Variants in ZNF385B observed in about 807,000 individuals in gnomAD.
The protein encoded by ZNF385B is zinc finger protein 385B, also known as zinc finger protein 533.
ZNF385B carries 23 observed loss-of-function variants against 39.2 expected under a neutral mutation model. That is an observed-to-expected ratio of 0.59 (90% CI 0.42 to 0.83). ZNF385B has a LOEUF of 0.83. Among genes scored for constraint, ZNF385B ranks in the 40% least tolerant of loss-of-function variants. The pLI is 0.00. For synonymous variants in ZNF385B, 205 were observed against 222.6 expected (o/e 0.92, Z 0.70); for missense variants, 552 against 598.9 (o/e 0.92, Z 0.82).
chr2:179,628,174 A>G (rs927246572), intron 3 of ZNF385B, among the ~76,000 whole-genome samples: 1 of 152,210 alleles, frequency 6.6e-6, no homozygotes, highest in African/African-American at 2.4e-5. Context: ...CGCATGTTAA[A>G]ATTATCAGTA....
intron 5 of ZNF385B, among the ~76,000 whole-genome samples, chr2:179,496,460 T>C (rs1462615889): frequency 6.6e-6 from 1 of 151,954 alleles, no homozygotes; most frequent in African/African-American, 2.4e-5. Context: ...TTCCCAAACA[T>C]AGAGAAAGAT....
At chr2:179,720,139 T>A (rs941006760) in intron 3 of ZNF385B, among the ~76,000 whole-genome samples, 1 of 152,116 alleles carries the variant, frequency 6.6e-6, no homozygotes, top group African/African-American at 2.4e-5. Flanking sequence ...GGTCATCTCA[T>A]GCAAAACAGA....
At chr2:179,542,667 C>A (rs1395014001) in intron 4 of ZNF385B, among the ~76,000 whole-genome samples, 2 of 151,916 alleles carry the variant, frequency 1.3e-5, no homozygotes, top group Non-Finnish European at 2.9e-5. Context: ...TTTTGTTTTA[C>A]AGCTCTTCAA....
chr2:179,845,711 AGAGTTTCACTATTTGG>A (rs755116224), intron 1 of ZNF385B, among the ~76,000 whole-genome samples: 10 of 152,244 alleles, frequency 6.6e-5, no homozygotes, highest in Non-Finnish European at 1.5e-4. Context: ...GAAACTGGCA[AGAGTTTCACTATTTGG>A]GAGATCCTAG....
chr2:179,633,028 C>A (rs1486229911), intron 3 of ZNF385B, among the ~76,000 whole-genome samples: 1 of 152,114 alleles, frequency 6.6e-6, no homozygotes, highest in East Asian at 1.9e-4. Flanking sequence ...CTGAATAGAC[C>A]AATAACAGGC....
At chr2:179,509,787 C>T (rs1340614918) in intron 5 of ZNF385B, among the ~76,000 whole-genome samples, 1 of 152,148 alleles carries the variant, frequency 6.6e-6, no homozygotes, top group African/African-American at 2.4e-5. Context: ...ATTTATTCAA[C>T]AATTTGTACT....
At chr2:179,704,873 T>G (rs905796022) in intron 3 of ZNF385B, among the ~76,000 whole-genome samples, 1 of 152,162 alleles carries the variant, frequency 6.6e-6, no homozygotes, top group African/African-American at 2.4e-5. Context: ...AAAACCAGAC[T>G]ATTCCTCTGT....
intron 3 of ZNF385B, among the ~76,000 whole-genome samples, chr2:179,760,852 A>C (rs1415534017): frequency 1.3e-5 from 2 of 152,172 alleles, no homozygotes; most frequent in Admixed American, 1.3e-4. Context: ...CAGCCACCAG[A>C]AGTTTTAAAT....
intron 1 of ZNF385B, among the ~76,000 whole-genome samples, chr2:179,810,772 T>C (rs1310554216): frequency 6.6e-6 from 1 of 152,150 alleles, no homozygotes; most frequent in African/African-American, 2.4e-5. Context: ...TAGAGGCTTT[T>C]AACATGCCTC....
At chr2:179,705,207 C>T (rs1472837743) in intron 3 of ZNF385B, among the ~76,000 whole-genome samples, 1 of 152,086 alleles carries the variant, frequency 6.6e-6, no homozygotes, top group Non-Finnish European at 1.5e-5. Flanking sequence ...TCTCCTGGGC[C>T]CCTCTCAATG....
At chr2:179,788,048 A>G (rs1460090236) in intron 1 of ZNF385B, among the ~76,000 whole-genome samples, 1 of 152,204 alleles carries the variant, frequency 6.6e-6, no homozygotes, top group African/African-American at 2.4e-5. Context: ...AATCATTTAA[A>G]CATAGAGAGA....
rs370888135 is a variant in ZNF385B at position 179,760,647 on chromosome 2, G to A, written c.298+8856C>T. Among the ~76,000 whole-genome samples the A allele has an allele frequency of 5.3e-5, 8 of 152,250 alleles. No homozygotes were observed. The East Asian group carries it at 7.8e-4, about 15-fold the overall frequency. On this transcript the variant is annotated intron_variant, in intron 3 of 9. Coordinates refer to ENST00000410066, the MANE Select transcript of ZNF385B (RefSeq NM_152520.6). ...TTTTACAAAAAGGCTCATTGCAGAT[G>A]TGATTGCTAGGAATCTTGAGATGAG...
intron 3 of ZNF385B, among the ~76,000 whole-genome samples, chr2:179,664,391 A>G (rs1278236536): frequency 6.6e-6 from 1 of 152,176 alleles, no homozygotes; most frequent in African/African-American, 2.4e-5. Context: ...CTGAGGAAAA[A>G]TTGTAGCCGA....
chr2:179,524,141 G>A (rs1474782400), intron 4 of ZNF385B, among the ~76,000 whole-genome samples: 1 of 151,924 alleles, frequency 6.6e-6, no homozygotes, highest in Non-Finnish European at 1.5e-5. Flanking sequence ...TAAACTTAAC[G>A]AACTATTTTA....
chr2:179,763,025 C>T (rs775080262), intron 3 of ZNF385B, among the ~76,000 whole-genome samples: 4 of 152,186 alleles, frequency 2.6e-5, no homozygotes, highest in African/African-American at 4.8e-5. Flanking sequence ...CTGTCTCAAC[C>T]TCCAGAATAG....
At chr2:179,526,727 T>A (rs2058928379) in intron 4 of ZNF385B, among the ~76,000 whole-genome samples, 1 of 152,210 alleles carries the variant, frequency 6.6e-6, no homozygotes, top group Admixed American at 6.5e-5. Context: ...TGACACTGCT[T>A]CTCCTACCCA....
chr2:179,701,760 G>A (rs373834840), intron 3 of ZNF385B, among the ~76,000 whole-genome samples: 4 of 152,156 alleles, frequency 2.6e-5, no homozygotes, highest in East Asian at 3.8e-4. Context: ...GGGTACCTTG[G>A]ACATTTCAAT....
intron 3 of ZNF385B, among the ~76,000 whole-genome samples, chr2:179,756,072 C>T (rs1702993647): frequency 6.6e-6 from 1 of 152,068 alleles, no homozygotes; most frequent in African/African-American, 2.4e-5. Flanking sequence ...TTCTTCCTAG[C>T]CTCAATGGTC....
chr2:179,488,909 G>T (rs188815010), intron 5 of ZNF385B, among the ~76,000 whole-genome samples: 6 of 152,222 alleles, frequency 3.9e-5, no homozygotes, highest in Admixed American at 2.6e-4. Context: ...CCATGGGCTA[G>T]ATATTGTAAA....
Sources: allele counts gnomAD v4.1 joint callset (sites outside exome capture counted in the v4.1 genomes callset), GRCh38; gene constraint gnomAD v4.1.1; transcripts MANE v1.5; gene names NCBI Gene and HGNC (gene_info 2026-07-23, HGNC 2026-07-21).